Variants in HTR1E observed in about 807,000 individuals in gnomAD.
HTR1E encodes 5-HT-1E.
In HTR1E, 3 loss-of-function variants were observed where a neutral mutation model predicts 3.4. That is an observed-to-expected ratio of 0.89 (90% confidence interval 0.41 to 2.31). The LOEUF is 2.31. HTR1E is among the 30% of genes most tolerant of loss of function. The pLI is 0.05. For missense variants in HTR1E, 392 were observed against 467.0 expected (o/e 0.84, Z 1.48); for synonymous variants, 170 against 182.8 (o/e 0.93, Z 0.56).
rs537235988 is a variant in HTR1E, at chr6:86,986,728, G to C, written c.-185-28422G>C. Among the ~76,000 whole-genome samples the C allele has an allele frequency of 1.5e-4, 23 of 152,234 alleles. No individual in the cohort carries two copies. In the South Asian group the frequency reaches 4.6e-3, roughly 30 times the overall value. On this transcript the variant is annotated intron_variant, in intron 1 of 1. Coordinates refer to ENST00000305344, the MANE Select transcript of HTR1E (RefSeq NM_000865.3). ...AATATAATCCTATAATATTTACAGA[G>C]ATATTAGTACCCTATCAAATTCTGC...
intron 1 of HTR1E, among the ~76,000 whole-genome samples, chr6:87,004,797 A>T (rs1768078420): frequency 6.6e-6 from 1 of 152,176 alleles, no homozygotes; most frequent in Non-Finnish European, 1.5e-5. Context: ...AAGAAGTCAC[A>T]TTATCCTTGT....
chr6:87,008,429 T>C (rs555287824), intron 1 of HTR1E, among the ~76,000 whole-genome samples: 3 of 152,356 alleles, frequency 2.0e-5, no homozygotes, highest in South Asian at 2.1e-4. Context: ...ATGGTACATA[T>C]TGAAGACTTC....
intron 1 of HTR1E, among the ~76,000 whole-genome samples, chr6:86,998,878 A>C (rs1284800116): frequency 6.6e-6 from 1 of 152,214 alleles, no homozygotes; most frequent in Non-Finnish European, 1.5e-5. Context: ...GAATGAAAGA[A>C]GGAATATTAC....
chr6:86,945,888 G>A (rs1768609352), intron 1 of HTR1E, among the ~76,000 whole-genome samples: 2 of 151,910 alleles, frequency 1.3e-5, no homozygotes, highest in Admixed American at 1.3e-4. Context: ...ACAGGCATGT[G>A]CCACCATGCC....
chr6:86,940,275 C>T (rs1768526640), intron 1 of HTR1E, among the ~76,000 whole-genome samples: 1 of 152,004 alleles, frequency 6.6e-6, no homozygotes, highest in Non-Finnish European at 1.5e-5. Flanking sequence ...ATGGGTCACA[C>T]CTGTAATTCC....
intron 1 of HTR1E, among the ~76,000 whole-genome samples, chr6:86,998,674 T>C (rs1477133742): frequency 6.6e-6 from 1 of 151,812 alleles, no homozygotes; most frequent in Non-Finnish European, 1.5e-5. Context: ...AGGAAAAGGG[T>C]GGTGAATTAA....
At chr6:86,995,290 T>TAA (rs1767919699) in intron 1 of HTR1E, among the ~76,000 whole-genome samples, 1 of 122,092 alleles carries the variant, frequency 8.2e-6, no homozygotes, top group African/African-American at 3.6e-5. Flanking sequence ...ATCTCTATAA[T>TAA]ATAATAAATA....
intron 1 of HTR1E, among the ~76,000 whole-genome samples, chr6:86,951,960 A>G (rs1562059564): frequency 6.6e-6 from 1 of 152,176 alleles, no homozygotes; most frequent in Non-Finnish European, 1.5e-5. Context: ...TAAGAAACTC[A>G]TAATAACTGC....
intron 1 of HTR1E, among the ~76,000 whole-genome samples, chr6:86,941,627 A>C (rs1208027932): frequency 2.0e-5 from 3 of 152,240 alleles, no homozygotes; most frequent in Non-Finnish European, 4.4e-5. Context: ...ATCATTTTAA[A>C]CTACAAGTTG....
chr6:86,972,399 C>A (rs1315249883), intron 1 of HTR1E, among the ~76,000 whole-genome samples: 1 of 152,088 alleles, frequency 6.6e-6, no homozygotes, highest in African/African-American at 2.4e-5. Flanking sequence ...AGTGAAGTAA[C>A]CAACTTTTAC....
At chr6:86,975,081 C>T (rs541955034) in intron 1 of HTR1E, among the ~76,000 whole-genome samples, 106 of 152,080 alleles carry the variant, frequency 7.0e-4, no homozygotes, top group Non-Finnish European at 1.0e-3. Flanking sequence ...GGTACTGCTC[C>T]GAAGACTGCT....
At chr6:86,944,090 A>G (rs999986502) in intron 1 of HTR1E, among the ~76,000 whole-genome samples, 4 of 152,226 alleles carry the variant, frequency 2.6e-5, no homozygotes, top group African/African-American at 9.6e-5. Context: ...GGACCTCTCT[A>G]TAGGGCTACT....
chr6:86,956,459 C>T (rs1163340034), intron 1 of HTR1E, among the ~76,000 whole-genome samples: 3 of 152,258 alleles, frequency 2.0e-5, no homozygotes, highest in East Asian at 3.9e-4. Context: ...CACTTTCAAC[C>T]AATTGCCAAT....
In HTR1E at chr6:87,015,731, A is replaced by G; in HGVS notation, c.397A>G (p.Lys133Glu). The G allele has an allele frequency of 6.2e-7, 1 of 1,611,320 alleles. No homozygotes were observed. Reference protein sequence around the residue: ...AITNAIEYARKRTAKRAALMI... With the variant: ...AITNAIEYARERTAKRAALMI... ...CACCAATGCTATTGAATACGCCAGG[A>G]AGAGGACGGCCAAGAGGGCCGCGCT... The change falls in exon 2 of 2, where the codon AAG (lysine) becomes GAG (glutamate). Residue 133 changes from lysine (K) to glutamate (E), a missense_variant. Transcript: ENST00000305344.
At chr6:86,992,084 T>A (rs190109656) in intron 1 of HTR1E, among the ~76,000 whole-genome samples, 1 of 152,302 alleles carries the variant, frequency 6.6e-6, no homozygotes, top group Middle Eastern at 3.4e-3. Flanking sequence ...TGTCCCCCTC[T>A]ACCCATCCCA....
chr6:86,979,021 AG>A (rs555691984), intron 1 of HTR1E, among the ~76,000 whole-genome samples: 31 of 152,352 alleles, frequency 2.0e-4, no homozygotes, highest in African/African-American at 1.7e-4. Flanking sequence ...CACGGGTTTT[AG>A]TACCAGCTGC....
intron 1 of HTR1E, among the ~76,000 whole-genome samples, chr6:86,942,593 T>C (rs1437401331): frequency 6.6e-6 from 1 of 152,240 alleles, no homozygotes; most frequent in Admixed American, 6.5e-5. Context: ...TTCAATTCCT[T>C]ACACAATGCT....
chr6:86,977,493 T>A (rs1161033190), intron 1 of HTR1E, among the ~76,000 whole-genome samples: 1 of 152,156 alleles, frequency 6.6e-6, no homozygotes, highest in African/African-American at 2.4e-5. Flanking sequence ...GAAATGAACA[T>A]ATGAGTGCAT....
intron 1 of HTR1E, among the ~76,000 whole-genome samples, chr6:86,997,700 A>G (rs1010059901): frequency 6.6e-6 from 1 of 151,848 alleles, no homozygotes; most frequent in African/African-American, 2.4e-5. Context: ...AAAGGCTTGG[A>G]CAAATAGAAA....
Sources: allele counts gnomAD v4.1 joint callset (sites outside exome capture counted in the v4.1 genomes callset), GRCh38; gene constraint gnomAD v4.1.1; transcripts MANE v1.5; gene names NCBI Gene and HGNC (gene_info 2026-07-23, HGNC 2026-07-21).